RGS6: variants seen among roughly 807,000 people sequenced by gnomAD.
RGS6 encodes regulator of G-protein signaling 6.
In RGS6, 30 loss-of-function variants were observed where a neutral mutation model predicts 78.5. The observed-to-expected ratio is 0.38, with a 90% confidence interval of 0.29 to 0.52. RGS6 has a LOEUF of 0.52. RGS6 is among the 20% of genes least tolerant of loss of function. The probability of loss-of-function intolerance (pLI) is 0.85; values close to 1 mark genes in which losing one functional copy is unlikely to be tolerated. For missense variants in RGS6, 495 were observed against 609.7 expected, an observed-to-expected ratio of 0.81 and a Z score of 1.98; for synonymous variants, 206 against 206.0, an observed-to-expected ratio of 1.00 and a Z score of 0.00.
chr14:72,311,875 G>C (rs1388243328), intron 2 of RGS6, among the ~76,000 whole-genome samples: 2 of 152,172 alleles, frequency 1.3e-5, no homozygotes, highest in African/African-American at 2.4e-5. Context: ...GATGGAGTAG[G>C]CAATTGCAAA....
chr14:72,078,689 A>G (rs2094691259), intron 2 of RGS6, among the ~76,000 whole-genome samples: 1 of 152,178 alleles, frequency 6.6e-6, no homozygotes, highest in African/African-American at 2.4e-5. Context: ...AAGTGCTGGG[A>G]TTACAGGCGT....
At chr14:72,600,265 A>G in the RGS6 span, among the ~76,000 whole-genome samples, 1 of 151,934 alleles carries the variant, frequency 6.6e-6, no homozygotes, top group African/African-American at 2.4e-5. Context: ...ACTGGCCTCT[A>G]CAAAACACAC....
chr14:72,283,493 A>G (rs1399870819), intron 2 of RGS6, among the ~76,000 whole-genome samples: 1 of 152,144 alleles, frequency 6.6e-6, no homozygotes, highest in African/African-American at 2.4e-5. Context: ...GTGAATAAAT[A>G]TCATGAGATC....
intron 2 of RGS6, among the ~76,000 whole-genome samples, chr14:72,276,743 C>G (rs1031198382): frequency 6.6e-6 from 1 of 152,122 alleles, no homozygotes; most frequent in Non-Finnish European, 1.5e-5. Context: ...GCTCTTCCAC[C>G]ATGATTGTCA....
At chr14:72,255,324 C>G (rs2283399) in intron 2 of RGS6, among the ~76,000 whole-genome samples, 2 of 152,066 alleles carry the variant, frequency 1.3e-5, no homozygotes, top group Non-Finnish European at 2.9e-5. Flanking sequence ...GTTTAAACTA[C>G]TTGGTTGACT....
At chr14:71,904,081 G>A in the RGS6 span, among the ~76,000 whole-genome samples, 1 of 152,164 alleles carries the variant, frequency 6.6e-6, no homozygotes, top group Admixed American at 6.5e-5. Flanking sequence ...ATAATTAAAT[G>A]CACAAGAAGA....
Position 72,038,737 on chromosome 14 carries a change from TATG to T in RGS6, c.84+73865_84+73867del, listed in dbSNP as rs528406868. Among the ~76,000 whole-genome samples the T allele has an allele frequency of 1.6e-3, 251 of 152,354 alleles. 1 individual carries two copies. The highest frequency in any genetic ancestry group is 6.8e-3 in the Middle Eastern group (2 of 294). On this transcript the variant is annotated intron_variant, in intron 2 of 17. Coordinates refer to ENST00000553525, the MANE Select transcript of RGS6 (RefSeq NM_001204424.2). ...GCTCCTTATTGCTAACACATAAAAA[TATG>T]ATCCATTTTTTTACATGTACTCTAC...
intron 2 of RGS6, among the ~76,000 whole-genome samples, chr14:72,203,852 T>TCATG (rs1202514048): frequency 7.0e-6 from 1 of 142,992 alleles, no homozygotes; most frequent in African/African-American, 2.6e-5. Flanking sequence ...TGAGACAGAG[T>TCATG]CATGCTGTGT....
At chr14:72,524,012 G>A (rs2097088624) in intron 15 of RGS6, among the ~76,000 whole-genome samples, 2 of 152,038 alleles carry the variant, frequency 1.3e-5, no homozygotes, top group Admixed American at 6.6e-5. Context: ...TTTACAGCCC[G>A]CTAAGGATTT....
intron 2 of RGS6, among the ~76,000 whole-genome samples, chr14:71,992,987 TA>T (rs1237726478): frequency 1.3e-5 from 2 of 152,260 alleles, no homozygotes; most frequent in Non-Finnish European, 2.9e-5. Flanking sequence ...GCCTTTTATG[TA>T]AGGGACTTCT....
chr14:72,421,681 C>T (rs1368931491), intron 3 of RGS6: 1 of 152,222 alleles, frequency 6.6e-6, no homozygotes, highest in African/African-American at 2.4e-5. Context: ...GCTCTAGTCC[C>T]AGCATCAGTG....
intron 17 of RGS6, chr14:72,547,208 G>C: frequency 6.5e-7 from 1 of 1,535,446 alleles, no homozygotes; most frequent in Non-Finnish European, 8.7e-7. Context: ...GCAGCAGAGG[G>C]GGCCAGAGAA....
chr14:72,131,773 T>C (rs1483858317), intron 2 of RGS6, among the ~76,000 whole-genome samples: 1 of 152,216 alleles, frequency 6.6e-6, no homozygotes, highest in African/African-American at 2.4e-5. Context: ...TTCCTATTAT[T>C]TCAGCTCTTA....
chr14:72,463,635 C>T (rs1409334532), intron 6 of RGS6, among the ~76,000 whole-genome samples: 1 of 152,232 alleles, frequency 6.6e-6, no homozygotes, highest in Admixed American at 6.5e-5. Context: ...TCCAGGTTAG[C>T]CTTTTCTGAG....
the RGS6 span, among the ~76,000 whole-genome samples, chr14:72,600,802 C>T: frequency 6.6e-6 from 1 of 152,178 alleles, no homozygotes; most frequent in Non-Finnish European, 1.5e-5. Context: ...GCCACCAGCA[C>T]TGGCCATCCC....
chr14:72,327,684 G>C (rs1263453054), intron 2 of RGS6, among the ~76,000 whole-genome samples: 3 of 152,200 alleles, frequency 2.0e-5, no homozygotes, highest in Non-Finnish European at 4.4e-5. Context: ...AAAGCTGCTA[G>C]AGCATAATTA....
Position 72,564,896 on chromosome 14 carries a change from T to C in RGS6, c.*2429T>C, listed in dbSNP as rs2153558850. 6.6e-6 allele frequency: 1 copy of C among 152,388 alleles called. No homozygotes were observed. The highest frequency in any genetic ancestry group is 6.5e-5 in the Admixed American group (1 of 15,294). 9.4% of individuals were successfully genotyped at this position (152,388 alleles called of 1,614,324 possible). Reference sequence around the variant, plus strand: ...GATGGACTCAAACCCAGAGCAATAATACTCTCACACCACCCCACAGCTAAG... The same window carrying C: ...GATGGACTCAAACCCAGAGCAATAACACTCTCACACCACCCCACAGCTAAG... On this transcript the variant is annotated 3_prime_UTR_variant, in exon 18 of 18. Transcript: ENST00000553525.
the RGS6 span, among the ~76,000 whole-genome samples, chr14:71,918,421 GAT>G: frequency 6.6e-6 from 1 of 152,086 alleles, no homozygotes; most frequent in African/African-American, 2.4e-5. Flanking sequence ...GCTAAAGCCT[GAT>G]TCTGTGAAAA....
intron 2 of RGS6, among the ~76,000 whole-genome samples, chr14:71,985,918 C>T (rs988084668): frequency 3.3e-5 from 5 of 152,212 alleles, no homozygotes; most frequent in Non-Finnish European, 1.5e-5. Flanking sequence ...CCTGCCTGCA[C>T]CACCTCTGCC....
Sources: gnomAD v4.1 joint callset for allele counts (sites outside exome capture counted in the v4.1 genomes callset) on GRCh38, gnomAD v4.1.1 for gene constraint, MANE v1.5 for transcripts, NCBI Gene and HGNC (gene_info 2026-07-23, HGNC 2026-07-21) for gene names.